CA4: variants seen among roughly 807,000 people sequenced by gnomAD.
The protein encoded by CA4 is carbonic anhydrase 4.
In CA4, 24 loss-of-function variants were observed where a neutral mutation model predicts 34.5. That is an observed-to-expected ratio of 0.70 (90% CI 0.50 to 0.98). The LOEUF (loss-of-function observed/expected upper bound fraction) is 0.98. CA4 is among the 50% of genes least tolerant of loss of function. CA4 has a pLI of 0.00. For synonymous variants in CA4, 178 were observed against 170.6 expected (o/e 1.04, Z -0.34); for missense variants, 394 against 396.7 (o/e 0.99, Z 0.06).
chr17:60,167,984 A>G (rs964066570), intron 5 of CA4, among the ~76,000 whole-genome samples: 1 of 152,094 alleles, frequency 6.6e-6, no homozygotes, highest in African/African-American at 2.4e-5. Flanking sequence ...CTACTGCCTC[A>G]GTGGCCTCCT....
chr17:60,160,391 A>C (rs1429433015), downstream of CA4, among the ~76,000 whole-genome samples: 1 of 152,220 alleles, frequency 6.6e-6, no homozygotes, highest in Admixed American at 6.5e-5. Flanking sequence ...TTCACAGTCT[A>C]GTGGAGAGAC....
At chr17:60,159,761 C>T (rs2083764804), downstream of CA4, among the ~76,000 whole-genome samples, 1 of 152,168 alleles carries the variant, frequency 6.6e-6, no homozygotes. Flanking sequence ...ATGCTGAAGG[C>T]ATCTTGGAGC....
At position 60,155,367 on chromosome 17, in the gene CA4, G is replaced by C; in HGVS notation, c.112G>C (p.Val38Leu). 1 of 1,607,414 alleles carries C rather than the reference G, an allele frequency of 6.2e-7. No individual in the cohort carries two copies. The highest frequency in any genetic ancestry group is 8.5e-7 in the Non-Finnish European group (1 of 1,176,962). Residue 38 changes from valine (V) to leucine (L), a missense_variant and splice_region_variant, in exon 2 of 8, where the codon GTG becomes CTG. Val to Leu is a conservative substitution (Grantham distance 32). Transcript: ENST00000300900. The stretch of plus-strand genomic sequence containing the variant: ...CGAGTCCTCCAACTACCCCTGCTTG[G>C]GTGAGTACAGCCAGTCCAGGGGACT... ...QAESSNYPCLVPVKWGGNCQK... is the reference protein window; with the variant it reads ...QAESSNYPCLLPVKWGGNCQK...
downstream of CA4, among the ~76,000 whole-genome samples, chr17:60,164,468 C>A (rs1320912432): frequency 1.3e-5 from 2 of 152,006 alleles, no homozygotes; most frequent in African/African-American, 2.4e-5. Flanking sequence ...CGGCTCACTG[C>A]AACCTCTGCC....
downstream of CA4, among the ~76,000 whole-genome samples, chr17:60,172,085 C>T (rs975750166): frequency 1.6e-4 from 25 of 152,186 alleles, no homozygotes; most frequent in African/African-American, 6.0e-4. Context: ...GGAAGTCCCC[C>T]TCTTCCTCCC....
chr17:60,172,690 A>G (rs1331510946), downstream of CA4, among the ~76,000 whole-genome samples: 1 of 151,954 alleles, frequency 6.6e-6, no homozygotes, highest in African/African-American at 2.4e-5. Flanking sequence ...CTGAAAATAC[A>G]AAAATTAGCC....
At chr17:60,173,042 C>T (rs1348883905), downstream of CA4, among the ~76,000 whole-genome samples, 1 of 151,950 alleles carries the variant, frequency 6.6e-6, no homozygotes, top group Non-Finnish European at 1.5e-5. Context: ...ACTCAGGAGG[C>T]TGAGGCAGGA....
chr17:60,153,663 C>T (rs193213000), intron 1 of CA4, among the ~76,000 whole-genome samples: 3 of 152,318 alleles, frequency 2.0e-5, no homozygotes, highest in East Asian at 1.9e-4. Flanking sequence ...GATTATGGGA[C>T]TCAGAATGTC....
chr17:60,155,231 G>C, intron 1 of CA4, 83 bp from the exon 2 acceptor site: 2 of 1,337,754 alleles, frequency 1.5e-6, no homozygotes, highest in Non-Finnish European at 2.1e-6. Flanking sequence ...AACCCCAGGG[G>C]TAGGCCCAGC....
At chr17:60,150,900 A>G (rs1165039779) in intron 1 of CA4, among the ~76,000 whole-genome samples, 1 of 113,300 alleles carries the variant, frequency 8.8e-6, no homozygotes, top group Non-Finnish European at 1.8e-5. Context: ...GGCCTCCCTA[A>G]CCTCCAGCGC....
intron 1 of CA4, 30 bp from the exon 2 acceptor site, chr17:60,155,284 C>T (rs1229483597): frequency 6.2e-7 from 1 of 1,606,370 alleles, no homozygotes; most frequent in South Asian, 1.1e-5. Flanking sequence ...CACACGCACG[C>T]ACACTTCACA....
chr17:60,150,173 C>T (rs2083563510), intron 1 of CA4, 81 bp downstream of exon 1: 2 of 1,214,450 alleles, frequency 1.6e-6, no homozygotes, highest in East Asian at 2.5e-5. Flanking sequence ...AGAGGATCCC[C>T]CCGCGGGCGA....
chr17:60,162,667 C>G (rs79467360), downstream of CA4, among the ~76,000 whole-genome samples: 15 of 152,260 alleles, frequency 9.9e-5, no homozygotes, highest in East Asian at 2.9e-3. Flanking sequence ...ACCCTGACTT[C>G]TCTGAGGGTC....
At chr17:60,177,680 G>A in the CA4 span, among the ~76,000 whole-genome samples, 1 of 152,104 alleles carries the variant, frequency 6.6e-6, no homozygotes, top group Non-Finnish European at 1.5e-5. Flanking sequence ...AGACAATTTA[G>A]GCCAGTCCTA....
rs200521207 is a variant in CA4 at position 60,158,464 on chromosome 17, C to T, written c.744+18C>T. The T allele has an allele frequency of 3.9e-5, 63 of 1,612,294 alleles. No individual in the cohort carries two copies. The East Asian group carries it at 1.4e-3, about 35-fold the overall frequency. ...GAGAACAGGTGCACAGGGCCTGGGG[C>T]AGGGCATGGGCTCCCACTGCCTGGC... is the stretch of plus-strand genomic sequence containing the variant. On this transcript the variant is annotated intron_variant, in intron 7 of 7. Transcript: ENST00000300900.
chr17:60,157,625 C>T, intron 4 of CA4, 53 bp downstream of exon 4: 2 of 1,613,918 alleles, frequency 1.2e-6, no homozygotes, highest in Non-Finnish European at 1.7e-6. Context: ...CGCGCACCTG[C>T]CTTGGGCAAG....
At chr17:60,161,844 C>A (rs979904869), downstream of CA4, among the ~76,000 whole-genome samples, 1 of 152,082 alleles carries the variant, frequency 6.6e-6, no homozygotes, top group East Asian at 1.9e-4. Flanking sequence ...CTTTGGTTCC[C>A]ACACAGACTG....
intron 5 of CA4, 61 bp downstream of exon 5, chr17:60,157,849 C>A: frequency 6.5e-7 from 1 of 1,548,994 alleles, no homozygotes; most frequent in South Asian, 1.1e-5. Context: ...TCTTAGGATT[C>A]AGAGACCTGG....
rs780111506 is a variant in CA4 at position 60,158,329 on chromosome 17, C to T, written c.627C>T (p.Pro209=). ...MAESSLLDLL[P]KEEKLRHYFR... ...AGAGCAGCCTGTTGGACCTGCTCCC[C>T]AAGGAGGAGAAACTGAGGCACTACT... Residue 209 remains proline, a synonymous_variant, in exon 7 of 8, where the codon CCC becomes CCT. Transcript: ENST00000300900. The T allele has an allele frequency of 6.2e-7, 1 of 1,614,144 alleles. No homozygotes were observed. The highest frequency in any genetic ancestry group is 8.5e-7 in the Non-Finnish European group (1 of 1,180,020).
Sources: allele counts gnomAD v4.1 joint callset (sites outside exome capture counted in the v4.1 genomes callset), GRCh38; gene constraint gnomAD v4.1.1; transcripts MANE v1.5; gene names NCBI Gene and HGNC (gene_info 2026-07-23, HGNC 2026-07-21).